Variants in STAG1 observed in about 807,000 individuals in gnomAD.
STAG1 encodes the protein cohesin subunit SA-1.
Under a neutral mutation model 170.9 loss-of-function variants are expected in STAG1, and 26 were observed. The ratio of observed to expected loss-of-function variants is 0.15; its 90% CI spans 0.11 to 0.21. The LOEUF is 0.21. Ranked by LOEUF, STAG1 falls within the 10% of genes least tolerant of loss-of-function variation. The pLI is 1.00. For missense variants in STAG1, 964 were observed against 1,509.5 expected, an observed-to-expected ratio of 0.64 and a Z score of 5.99; for synonymous variants, 514 against 497.7, an observed-to-expected ratio of 1.03 and a Z score of -0.44.
chr3:136,429,719 C>T (rs1190391014), intron 16 of STAG1, among the ~76,000 whole-genome samples: 1 of 152,144 alleles, frequency 6.6e-6, no homozygotes, highest in Non-Finnish European at 1.5e-5. Context: ...AGTGTACCTG[C>T]CTCTCCTTCC....
At chr3:136,527,369 T>C (rs1055957928) in intron 6 of STAG1, among the ~76,000 whole-genome samples, 1 of 152,230 alleles carries the variant, frequency 6.6e-6, no homozygotes, top group African/African-American at 2.4e-5. Context: ...ATACCCTTTC[T>C]TCCAGTTGAT....
intron 6 of STAG1, among the ~76,000 whole-genome samples, chr3:136,532,858 A>T (rs1454250061): frequency 1.3e-5 from 2 of 152,206 alleles, no homozygotes; most frequent in African/African-American, 2.4e-5. Flanking sequence ...GAACTGAAAC[A>T]AAACAAACAT....
intron 22 of STAG1, among the ~76,000 whole-genome samples, chr3:136,389,619 C>T (rs2086955358): frequency 6.6e-6 from 1 of 151,486 alleles, no homozygotes; most frequent in African/African-American, 2.4e-5. Flanking sequence ...TCCTGGGTTC[C>T]AGCAATTCTC....
rs570976587 is a variant in STAG1, at chr3:136,682,547, T to C, written c.-83-51566A>G. Among the ~76,000 whole-genome samples the C allele has an allele frequency of 4.0e-5, 6 of 151,552 alleles. No homozygotes were observed. In the South Asian group the frequency reaches 1.3e-3, roughly 32 times the overall value. ...TTTATAACCAATAAATTCAGTGAAGTTGCAGGATACAAAAATTACCAAAAA... is the reference window on the plus strand; with the variant it reads ...TTTATAACCAATAAATTCAGTGAAGCTGCAGGATACAAAAATTACCAAAAA... On this transcript the variant is annotated intron_variant, in intron 1 of 33. Transcript: ENST00000383202.
At chr3:136,572,527 G>A (rs1937299863) in intron 4 of STAG1, among the ~76,000 whole-genome samples, 1 of 150,346 alleles carries the variant, frequency 6.7e-6, no homozygotes, top group South Asian at 2.1e-4. Flanking sequence ...AGGAGGTGGA[G>A]GTTGAGGAGG....
intron 3 of STAG1, among the ~76,000 whole-genome samples, chr3:136,622,579 A>T (rs1236710155): frequency 2.0e-5 from 3 of 152,194 alleles, no homozygotes; most frequent in Non-Finnish European, 4.4e-5. Context: ...AATAGAAAAG[A>T]ATTACTAATA....
intron 1 of STAG1, chr3:136,736,458 CAG>C: frequency 8.1e-7 from 1 of 1,241,566 alleles, no homozygotes; most frequent in South Asian, 1.2e-5. Context: ...AGGGAGATAG[CAG>C]GGGGAAGGTT....
chr3:136,752,204 C>T lies in STAG1; in HGVS notation c.-93G>A, dbSNP rs1935300122. The T allele has an allele frequency of 6.5e-6, 1 of 153,220 alleles. No homozygotes were observed. Among genetic ancestry groups the T allele is most frequent in the Non-Finnish European group, 1.5e-5 (1 of 68,166 alleles). 9.5% of individuals were successfully genotyped at this position (153,220 alleles called of 1,614,324 possible). On this transcript the variant is annotated 5_prime_UTR_variant, in exon 1 of 34. Coordinates refer to ENST00000383202, the MANE Select transcript of STAG1 (RefSeq NM_005862.3). ...CGCCGCCCGCACTCACCTCAGCTGC[C>T]CATCCGGGCGCCGCCGACCATCGAC...
chr3:136,600,548 T>C (rs2107803398), intron 4 of STAG1, among the ~76,000 whole-genome samples: 1 of 152,336 alleles, frequency 6.6e-6, no homozygotes, highest in East Asian at 1.9e-4. Flanking sequence ...TTTTTTATTT[T>C]TGAGACGGAG....
At chr3:136,510,605 A>G (rs1274239561) in intron 7 of STAG1, among the ~76,000 whole-genome samples, 1 of 145,212 alleles carries the variant, frequency 6.9e-6, no homozygotes, top group Non-Finnish European at 1.5e-5. Context: ...ATCTGATGGG[A>G]TGTCTTTGTT....
chr3:136,737,885 T>C (rs184803343), intron 1 of STAG1, among the ~76,000 whole-genome samples: 1 of 151,600 alleles, frequency 6.6e-6, no homozygotes, highest in Non-Finnish European at 1.5e-5. Flanking sequence ...CTGACTAACA[T>C]GGTGAAACCC....
At chr3:136,353,865 C>T (rs1936527852) in intron 28 of STAG1, among the ~76,000 whole-genome samples, 1 of 152,204 alleles carries the variant, frequency 6.6e-6, no homozygotes. Context: ...TATCCCTTCT[C>T]TCTTAACTGA....
At chr3:136,486,685 T>C (rs1295414188) in intron 9 of STAG1, among the ~76,000 whole-genome samples, 1 of 152,140 alleles carries the variant, frequency 6.6e-6, no homozygotes, top group African/African-American at 2.4e-5. Context: ...CTACTCAGTA[T>C]GGTAACTGCA....
chr3:136,470,067 A>C (rs2089584187), intron 12 of STAG1, among the ~76,000 whole-genome samples: 1 of 152,248 alleles, frequency 6.6e-6, no homozygotes. Flanking sequence ...TTCAGGACAT[A>C]GGCATGGGCA....
In STAG1 at chr3:136,511,076, A is replaced by C. The variant is rs117929293; in HGVS notation, c.677-8297T>G. ...CATGAGCCACTGCACCTGGCCTGAG[A>C]TCTGACGGTTTTATACGTCTCTGGC... is the stretch of plus-strand genomic sequence containing the variant. On this transcript the variant is annotated intron_variant, in intron 7 of 33. Coordinates refer to ENST00000383202, the MANE Select transcript of STAG1 (RefSeq NM_005862.3). 2.6e-5 allele frequency among the ~76,000 whole-genome samples: 4 copies of C among 152,232 alleles called. No individual in the cohort carries two copies. The East Asian group carries it at 7.7e-4, about 29-fold the overall frequency.
At chr3:136,716,768 T>A (rs992049335) in intron 1 of STAG1, among the ~76,000 whole-genome samples, 11 of 152,240 alleles carry the variant, frequency 7.2e-5, no homozygotes, top group African/African-American at 2.7e-4. Context: ...ATTCCCTCCC[T>A]GATAAGACAA....
intron 1 of STAG1, among the ~76,000 whole-genome samples, chr3:136,727,246 G>A (rs1225132688): frequency 2.6e-5 from 4 of 151,988 alleles, no homozygotes; most frequent in Non-Finnish European, 4.4e-5. Context: ...AGTAATAGGC[G>A]AGCTGGCAGC....
chr3:136,580,008 G>A (rs1046904878), intron 4 of STAG1, among the ~76,000 whole-genome samples: 2 of 110,886 alleles, frequency 1.8e-5, no homozygotes, highest in Admixed American at 1.4e-4. Flanking sequence ...TCACTCTGTC[G>A]CCAGGCTGGA....
intron 1 of STAG1, among the ~76,000 whole-genome samples, chr3:136,640,744 C>T (rs1222823976): frequency 6.6e-6 from 1 of 150,546 alleles, no homozygotes; most frequent in African/African-American, 2.4e-5. Flanking sequence ...GCGATTTTGG[C>T]TTGCTGCAAC....
Sources: gnomAD v4.1 joint callset for allele counts (sites outside exome capture counted in the v4.1 genomes callset) on GRCh38, gnomAD v4.1.1 for gene constraint, MANE v1.5 for transcripts, NCBI Gene and HGNC (gene_info 2026-07-23, HGNC 2026-07-21) for gene names.